The following MCTP1 variants were observed in gnomAD, a reference collection of about 807,000 sequenced individuals.
MCTP1 encodes multiple C2 and transmembrane domain containing 1.
A neutral mutation model predicts 120.6 loss-of-function variants in MCTP1; 69 were observed. The observed-to-expected ratio is 0.57, with a 90% confidence interval of 0.47 to 0.70. MCTP1 has a LOEUF of 0.70. Among genes scored for constraint, MCTP1 ranks in the 30% least tolerant of loss-of-function variants. The probability of loss-of-function intolerance (pLI) is 0.00; values close to 1 mark genes in which losing one functional copy is unlikely to be tolerated. For synonymous variants in MCTP1, 529 were observed against 493.1 expected, an observed-to-expected ratio of 1.07 and a Z score of -0.96; for missense variants, 1,203 against 1,248.8, an observed-to-expected ratio of 0.96 and a Z score of 0.55.
At chr5:95,062,155 ATAG>A (rs1365422689) in intron 1 of MCTP1, among the ~76,000 whole-genome samples, 1 of 152,260 alleles carries the variant, frequency 6.6e-6, no homozygotes, top group Non-Finnish European at 1.5e-5. Context: ...GGATTTGGTC[ATAG>A]TATTGATTCA....
At chr5:94,909,410 T>C (rs1226314762) in intron 9 of MCTP1, 29 bp from the exon 10 acceptor site, 1 of 1,560,412 alleles carries the variant, frequency 6.4e-7, no homozygotes, top group Non-Finnish European at 8.6e-7. Context: ...ATTGTCATAT[T>C]GCTAGCAGCT....
At chr5:94,823,706 C>T (rs1231901585) in intron 17 of MCTP1, among the ~76,000 whole-genome samples, 2 of 152,116 alleles carry the variant, frequency 1.3e-5, no homozygotes, top group Admixed American at 1.3e-4. Flanking sequence ...TGTTTGTGTT[C>T]TCTCTTATTT....
intron 17 of MCTP1, among the ~76,000 whole-genome samples, chr5:94,821,358 T>C (rs908009901): frequency 5.9e-5 from 9 of 152,164 alleles, no homozygotes; most frequent in Non-Finnish European, 1.2e-4. Flanking sequence ...TTGTGAATCA[T>C]GTATCTGATA....
intron 18 of MCTP1, among the ~76,000 whole-genome samples, chr5:94,794,956 G>A (rs114630679): frequency 0.037 from 5,572 of 152,276 alleles, 125 homozygotes; most frequent in African/African-American, 0.055. Context: ...AAGAGGAAAT[G>A]TGATTGACTG....
Position 95,112,155 on chromosome 5 carries a change from C to G in MCTP1, c.721-94671G>C, listed in dbSNP as rs146446936. 5.3e-5 allele frequency among the ~76,000 whole-genome samples: 8 copies of G among 152,284 alleles called. No homozygotes were observed. In the East Asian group the frequency reaches 1.3e-3, roughly 26 times the overall value. On this transcript the variant is annotated intron_variant, in intron 1 of 22. Transcript: ENST00000515393. ...GACGATAATACAGAAGAGGATACCA[C>G]TTCTGTACCTTGTATAACAAAGTAG...
intron 1 of MCTP1, among the ~76,000 whole-genome samples, chr5:95,026,490 A>G (rs569817269): frequency 2.8e-4 from 43 of 152,016 alleles, no homozygotes; most frequent in Admixed American, 7.2e-4. Context: ...TCTACTCTCT[A>G]TCTCCATTGT....
At chr5:94,952,138 C>G (rs941090105) in intron 3 of MCTP1, among the ~76,000 whole-genome samples, 2 of 129,500 alleles carry the variant, frequency 1.5e-5, no homozygotes, top group African/African-American at 6.0e-5. Flanking sequence ...TGCCACTGCA[C>G]TCCAGCCTGG....
At chr5:95,078,619 C>T (rs1204941577) in intron 1 of MCTP1, among the ~76,000 whole-genome samples, 1 of 152,064 alleles carries the variant, frequency 6.6e-6, no homozygotes, top group Non-Finnish European at 1.5e-5. Context: ...ATTAAAAAGA[C>T]GTATTTTCCT....
chr5:94,784,819 A>G (rs1777308466), intron 18 of MCTP1: 1 of 152,062 alleles, frequency 6.6e-6, no homozygotes, highest in Non-Finnish European at 1.5e-5. Context: ...AAAAAGCATT[A>G]GTACTTACTG....
chr5:94,942,327 T>C, intron 4 of MCTP1, 21 bp downstream of exon 4: 1 of 1,584,372 alleles, frequency 6.3e-7, no homozygotes, highest in South Asian at 1.1e-5. Flanking sequence ...GGTGGTGATA[T>C]TACAGCAGTT....
At chr5:95,235,989 A>G (rs1755503652) in intron 1 of MCTP1, among the ~76,000 whole-genome samples, 1 of 152,202 alleles carries the variant, frequency 6.6e-6, no homozygotes, top group Non-Finnish European at 1.5e-5. Context: ...CTGAAGCAAC[A>G]TTTATGGAAA....
At chr5:94,774,623 G>A (rs1774893186) in intron 19 of MCTP1, among the ~76,000 whole-genome samples, 1 of 152,154 alleles carries the variant, frequency 6.6e-6, no homozygotes, top group Non-Finnish European at 1.5e-5. Context: ...CCTGAGCAGA[G>A]AACCCAACTG....
chr5:94,739,737 C>G (rs1400048205), intron 19 of MCTP1, among the ~76,000 whole-genome samples: 1 of 152,112 alleles, frequency 6.6e-6, no homozygotes, highest in East Asian at 1.9e-4. Flanking sequence ...TGATCTCAGC[C>G]CACTGCAACC....
At chr5:95,019,043 T>C (rs1425128437) in intron 1 of MCTP1, among the ~76,000 whole-genome samples, 2 of 152,126 alleles carry the variant, frequency 1.3e-5, no homozygotes, top group East Asian at 3.9e-4. Flanking sequence ...AAAGATAGTA[T>C]TCTATTTTGT....
intron 1 of MCTP1, among the ~76,000 whole-genome samples, chr5:95,057,089 T>C (rs1747590550): frequency 6.6e-6 from 1 of 152,214 alleles, no homozygotes; most frequent in Non-Finnish European, 1.5e-5. Context: ...TTTATCTATA[T>C]TCTATTTTCA....
intron 19 of MCTP1, among the ~76,000 whole-genome samples, chr5:94,776,193 GA>G (rs1775278310): frequency 6.6e-6 from 1 of 151,948 alleles, no homozygotes; most frequent in South Asian, 2.1e-4. Context: ...TATGCAGAGG[GA>G]AAACACCCTA....
At chr5:94,961,129 GGAA>G (rs1200274979) in intron 2 of MCTP1, among the ~76,000 whole-genome samples, 1 of 152,074 alleles carries the variant, frequency 6.6e-6, no homozygotes, top group Non-Finnish European at 1.5e-5. Flanking sequence ...GTAGGGACAT[GGAA>G]GAAGCTGGAA....
At chr5:94,928,307 C>T (rs1454537276) in intron 6 of MCTP1, among the ~76,000 whole-genome samples, 1 of 151,388 alleles carries the variant, frequency 6.6e-6, no homozygotes, top group Non-Finnish European at 1.5e-5. Context: ...TACATTTTTC[C>T]ATTTTTGGCT....
chr5:94,846,299 C>T (rs1792338948), intron 17 of MCTP1, among the ~76,000 whole-genome samples: 1 of 152,118 alleles, frequency 6.6e-6, no homozygotes, highest in Admixed American at 6.6e-5. Context: ...AGTACATACA[C>T]AGCATGGAAT....
Sources: allele counts gnomAD v4.1 joint callset (sites outside exome capture counted in the v4.1 genomes callset), GRCh38; gene constraint gnomAD v4.1.1; transcripts MANE v1.5; gene names NCBI Gene and HGNC (gene_info 2026-07-23, HGNC 2026-07-21).